EDEM3: variants seen among roughly 807,000 people sequenced by gnomAD.
EDEM3 encodes ER degradation enhancing alpha-mannosidase like protein 3.
EDEM3 carries 60 observed loss-of-function variants against 110.2 expected under a neutral mutation model. The ratio of observed to expected loss-of-function variants is 0.54; its 90% CI spans 0.44 to 0.67. EDEM3 has a LOEUF of 0.67. Among genes scored for constraint, EDEM3 ranks in the 30% least tolerant of loss-of-function variants. The pLI, the probability that EDEM3 is intolerant of heterozygous loss-of-function variation, is 0.00. For synonymous variants in EDEM3, 352 were observed against 382.9 expected, an observed-to-expected ratio of 0.92 and a Z score of 0.94; for missense variants, 996 against 1,121.0, an observed-to-expected ratio of 0.89 and a Z score of 1.59.
At chr1:184,727,737 T>C (rs1651268311) in intron 6 of EDEM3, among the ~76,000 whole-genome samples, 1 of 152,224 alleles carries the variant, frequency 6.6e-6, no homozygotes, top group Non-Finnish European at 1.5e-5. Flanking sequence ...GACATTTTCA[T>C]GTGCTATTAG....
chr1:184,734,922 C>T (rs924821543), intron 4 of EDEM3, among the ~76,000 whole-genome samples: 1 of 152,114 alleles, frequency 6.6e-6, no homozygotes, highest in African/African-American at 2.4e-5. Context: ...TCTTAATGAC[C>T]CAGGCTACAT....
intron 2 of EDEM3, among the ~76,000 whole-genome samples, chr1:184,744,272 A>C (rs1279935580): frequency 8.4e-6 from 1 of 119,298 alleles, no homozygotes; most frequent in African/African-American, 3.4e-5. Context: ...ATATATATAT[A>C]TATATATATA....
rs752122207 is a variant in EDEM3, at chr1:184,717,599, G to A, written c.1186C>T (p.His396Tyr). The change falls in exon 12 of 20, where the codon CAC becomes TAC. Residue 396 changes from histidine (H) to tyrosine (Y), a missense_variant. By Grantham distance (83) the His-to-Tyr change is moderately conservative. Around this residue, in one of 5 missense-constraint regions of EDEM3, gnomAD observed 310 missense variants for 394.6 expected, o/e 0.79. Coordinates refer to ENST00000318130, the MANE Select transcript of EDEM3 (RefSeq NM_025191.4). ...GGCCTTAAAGGATGTTGAGCCCAGT[G>A]TACTCTGAAATCTGTGGTAAATGCC... ...PEAFTTDFRV[H>Y]WAQHPLRPEF... 1.2e-6 allele frequency: 2 copies of A among 1,604,146 alleles called. No individual in the cohort carries two copies. The highest frequency in any genetic ancestry group is 1.1e-5 in the South Asian group (1 of 89,330).
chr1:184,693,960 T>G lies in EDEM3; in HGVS notation c.*103A>C, dbSNP rs1649196499. On this transcript the variant is annotated 3_prime_UTR_variant, in exon 20 of 20. Coordinates refer to ENST00000318130, the MANE Select transcript of EDEM3 (RefSeq NM_025191.4). ...AGAACGTGGTTGTTCATCACCATAC[T>G]TAAAGCCTCCCATTAGAAAGCCTGC... 7.9e-7 allele frequency: 1 copy of G among 1,261,508 alleles called. No homozygotes were observed. Among genetic ancestry groups the G allele is most frequent in the Non-Finnish European group, 1.1e-6 (1 of 914,078 alleles). 78.1% of individuals were successfully genotyped at this position (1,261,508 alleles called of 1,614,324 possible).
chr1:184,729,001 C>CT (rs1651348631), intron 6 of EDEM3, among the ~76,000 whole-genome samples: 1 of 151,992 alleles, frequency 6.6e-6, no homozygotes. Flanking sequence ...GGGTTCAGTG[C>CT]TTTTTTTGCT....
intron 13 of EDEM3, among the ~76,000 whole-genome samples, chr1:184,716,032 T>C (rs1650524742): frequency 1.3e-5 from 2 of 152,170 alleles, no homozygotes; most frequent in South Asian, 4.1e-4. Flanking sequence ...TTGGTTATCC[T>C]TCAGGACATA....
At chr1:184,726,860 T>G (rs28457200) in intron 6 of EDEM3, among the ~76,000 whole-genome samples, 179 of 152,370 alleles carry the variant, frequency 1.2e-3, no homozygotes, top group African/African-American at 4.1e-3. Context: ...AACGGATTGT[T>G]ATGGTATACA....
At chr1:184,727,979 C>T (rs1277211949) in intron 6 of EDEM3, among the ~76,000 whole-genome samples, 1 of 152,168 alleles carries the variant, frequency 6.6e-6, no homozygotes, top group Non-Finnish European at 1.5e-5. Context: ...GATGTAATCA[C>T]ATGAATTACA....
intron 13 of EDEM3, among the ~76,000 whole-genome samples, chr1:184,716,006 T>C (rs1188423410): frequency 6.6e-6 from 1 of 152,150 alleles, no homozygotes; most frequent in Non-Finnish European, 1.5e-5. Flanking sequence ...CTTTTACATC[T>C]TTCTTCTTCT....
chr1:184,702,764 A>C, intron 19 of EDEM3, 47 bp downstream of exon 19: 1 of 1,369,834 alleles, frequency 7.3e-7, no homozygotes, highest in Non-Finnish European at 9.5e-7. Flanking sequence ...AAACTAGCAA[A>C]ATTAATATTA....
At chr1:184,701,069 A>G (rs1392494847) in intron 19 of EDEM3, among the ~76,000 whole-genome samples, 1 of 152,024 alleles carries the variant, frequency 6.6e-6, no homozygotes, top group Non-Finnish European at 1.5e-5. Context: ...TTTCTGGTAG[A>G]ATTAATCATG....
At chr1:184,733,664 C>A (rs1651657555) in intron 5 of EDEM3, among the ~76,000 whole-genome samples, 1 of 151,938 alleles carries the variant, frequency 6.6e-6, no homozygotes. Context: ...CCTGTCTCTA[C>A]TAAAAATACA....
At chr1:184,719,107 T>G (rs563764979) in intron 11 of EDEM3, 55 bp downstream of exon 11, 13 of 945,352 alleles carry the variant, frequency 1.4e-5, no homozygotes, top group African/African-American at 9.9e-5. Context: ...TGTGTACGTG[T>G]GTGTGTGTGT....
Position 184,732,989 on chromosome 1 carries a change from C to A in EDEM3, c.460G>T (p.Gly154Cys). 2 of 1,612,678 alleles carry A rather than the reference C, an allele frequency of 1.2e-6. No individual in the cohort carries two copies. Among genetic ancestry groups the A allele is most frequent in the Non-Finnish European group, 1.7e-6 (2 of 1,179,314 alleles). ...GCCAGGGAGTGCCCACCCAAAAGAC[C>A]CCTAGGATCACAGAGATGAAACATT... ...VFETNIRVLG[G>C]LLGGHSLAIM... The change falls in exon 6 of 20, where the codon GGT becomes TGT. Residue 154 changes from glycine (G) to cysteine (C), a missense_variant and splice_region_variant. Gly to Cys is a radical substitution (Grantham distance 159). Coordinates refer to ENST00000318130, the MANE Select transcript of EDEM3 (RefSeq NM_025191.4).
In EDEM3 at chr1:184,712,102, A is replaced by G. The variant is rs193025401; in HGVS notation, c.1537-225T>C. Among the ~76,000 whole-genome samples the G allele has an allele frequency of 1.8e-3, 274 of 151,986 alleles. 1 individual carries two copies. The highest frequency in any genetic ancestry group is 3.2e-3 in the Non-Finnish European group (216 of 67,954). ...CTACCACGCCCAGCTAATTTTTTGT[A>G]TATTTAGTAGAGACGGGGTTTCACC... On this transcript the variant is annotated intron_variant, in intron 14 of 19. Transcript: ENST00000318130.
At position 184,694,158 on chromosome 1, in the gene EDEM3, T is replaced by TAAC. The variant is rs778825562; in HGVS notation, c.2701_2703dup (p.Val901dup). The TAAC allele has an allele frequency of 6.2e-7, 1 of 1,613,480 alleles. No homozygotes were observed. Among genetic ancestry groups the TAAC allele is most frequent in the Non-Finnish European group, 8.5e-7 (1 of 1,179,644 alleles). ...ATAGGCTGGACCTTTTTACCCCAGC[T>TAAC]AACATTAGGATTGGAATCTTCCTCA... On this transcript the variant is annotated inframe_insertion, in exon 20 of 20. Coordinates refer to ENST00000318130, the MANE Select transcript of EDEM3 (RefSeq NM_025191.4).
In EDEM3 at chr1:184,694,007, AC is replaced by A; in HGVS notation, c.*55del. ...CTGCTTAGTATTAGGATGTCTATTA[AC>A]CACACACAGTTTACCTTTTCTTTTT... On this transcript the variant is annotated 3_prime_UTR_variant, in exon 20 of 20. Coordinates refer to ENST00000318130, the MANE Select transcript of EDEM3 (RefSeq NM_025191.4). The A allele has an allele frequency of 6.5e-7, 1 of 1,546,520 alleles. No individual in the cohort carries two copies. The highest frequency in any genetic ancestry group is 1.2e-5 in the South Asian group (1 of 80,144).
rs767054613 is a variant in EDEM3 at position 184,694,478 on chromosome 1, T to G, written c.2390-6A>C. ...TTCATTTTCCATTTCAGGATCTGTA[T>G]GAGAAAGAAACAAACCTCATGCTAC... On this transcript the variant is annotated splice_region_variant and splice_polypyrimidine_tract_variant and intron_variant, in intron 19 of 19. Coordinates refer to ENST00000318130, the MANE Select transcript of EDEM3 (RefSeq NM_025191.4). 1.9e-6 allele frequency: 3 copies of G among 1,582,252 alleles called. No homozygotes were observed. The highest frequency in any genetic ancestry group is 1.8e-5 in the Admixed American group (1 of 56,736).
chr1:184,710,041 G>A (rs1248527165), intron 16 of EDEM3, among the ~76,000 whole-genome samples: 1 of 152,084 alleles, frequency 6.6e-6, no homozygotes, highest in Non-Finnish European at 1.5e-5. Flanking sequence ...AAAACATGGA[G>A]ATATGAATAT....
Sources: gnomAD v4.1 joint callset for allele counts (sites outside exome capture counted in the v4.1 genomes callset) on GRCh38, gnomAD v4.1.1 for gene constraint, gnomAD v4.1.1 regional missense constraint, MANE v1.5 for transcripts, NCBI Gene and HGNC (gene_info 2026-07-23, HGNC 2026-07-21) for gene names.